Variants in PLEKHH1 observed in about 807,000 individuals in gnomAD.
PLEKHH1 encodes pleckstrin homology domain-containing family H member 1.
In PLEKHH1, 104 loss-of-function variants were observed where a neutral mutation model predicts 160.0. The observed-to-expected ratio is 0.65, with a 90% CI of 0.55 to 0.76. The LOEUF (loss-of-function observed/expected upper bound fraction) is 0.76, where lower values mean the gene tolerates loss of function less well. PLEKHH1 is among the 30% of genes least tolerant of loss of function. PLEKHH1 has a pLI of 0.00. For missense variants in PLEKHH1, 1,427 were observed against 1,724.1 expected (o/e 0.83, Z 3.05); for synonymous variants, 619 against 678.4 (o/e 0.91, Z 1.36).
rs1314099840 is a variant in PLEKHH1 at position 67,557,428 on chromosome 14, C to T, written c.339+10C>T. On this transcript the variant is annotated intron_variant, in intron 4 of 28. Coordinates refer to ENST00000329153, the MANE Select transcript of PLEKHH1 (RefSeq NM_020715.3). The stretch of plus-strand genomic sequence containing the variant: ...TCAGCTGGAGAAGCAGGTAAGGGCT[C>T]ATGCGCAAGGGAGCACCATGCCCTC... 5 of 1,611,442 alleles carry T rather than the reference C, an allele frequency of 3.1e-6. No homozygotes were observed. The highest frequency in any genetic ancestry group is 4.2e-6 in the Non-Finnish European group (5 of 1,179,406).
intron 23 of PLEKHH1, chr14:67,581,792 T>C (rs1226282230): frequency 2.6e-6 from 1 of 385,250 alleles, no homozygotes; most frequent in South Asian, 2.7e-5. Flanking sequence ...CCCTAATCTA[T>C]AACTCCAGGT....
rs962504154 is a variant in PLEKHH1, at chr14:67,573,446, T to C, written c.1839+60T>C. 5.5e-6 allele frequency: 6 copies of C among 1,085,218 alleles called. No homozygotes were observed. Among genetic ancestry groups the C allele is most frequent in the Non-Finnish European group, 8.5e-6 (6 of 704,836 alleles). The allele number at this position is 1,085,218 out of a possible 1,614,324, so 67.2% of individuals were successfully genotyped here. A position where few individuals can be genotyped will look rare whatever the true frequency, so the allele number is the denominator to read the frequency against. Reference sequence around the variant, plus strand: ...GGTCTCCACATCACACCCTGGACTATGTCAGATGGGACGGAGGAGGGGGAA... The same window carrying C: ...GGTCTCCACATCACACCCTGGACTACGTCAGATGGGACGGAGGAGGGGGAA... On this transcript the variant is annotated intron_variant, in intron 12 of 28. Coordinates refer to ENST00000329153, the MANE Select transcript of PLEKHH1 (RefSeq NM_020715.3). This position sits in a 1 kb window ranked among gnomAD's most constrained non-coding sequence, Gnocchi z 4.8.
chr14:67,579,284 C>G lies in PLEKHH1; in HGVS notation c.3000C>G (p.Pro1000=), dbSNP rs185413584. ...PFHHSLPFSI[P]VHFTNGTYHV... ...ACCACTCCTTGCCCTTCAGCATCCC[C>G]GTGCACTTTACCAACGGGACTTACC... Residue 1000 remains proline (P), a synonymous_variant, in exon 21 of 29, where the codon CCC becomes CCG. Coordinates refer to ENST00000329153, the MANE Select transcript of PLEKHH1 (RefSeq NM_020715.3). The G allele has an allele frequency of 1.0e-5, 16 of 1,563,920 alleles. No individual in the cohort carries two copies. In the African/African-American group the frequency reaches 2.2e-4, roughly 21 times the overall value.
Position 67,562,711 on chromosome 14 carries a change from C to T in PLEKHH1, c.1080C>T (p.Gly360=), listed in dbSNP as rs1399776040. The change falls in exon 7 of 29, where the codon GGC becomes GGT. Residue 360 remains glycine, a synonymous_variant. Coordinates refer to ENST00000329153, the MANE Select transcript of PLEKHH1 (RefSeq NM_020715.3). ...CCTTCTCAGCCCTCCACCCCTCTGGCCTTCCTGAGCTGGAGTCCCGAGCTA... is the reference window on the plus strand; with the variant it reads ...CCTTCTCAGCCCTCCACCCCTCTGGTCTTCCTGAGCTGGAGTCCCGAGCTA... The part of the protein sequence containing the change: ...TEAFSALHPS[G]LPELESRARS... The T allele has an allele frequency of 6.2e-7, 1 of 1,612,942 alleles. No individual in the cohort carries two copies.
At chr14:67,570,228 A>G (rs1385580431) in intron 9 of PLEKHH1, 1 of 419,566 alleles carries the variant, frequency 2.4e-6, no homozygotes, top group Non-Finnish European at 3.2e-6. Flanking sequence ...AACGTGGACA[A>G]GGTAAGAAGG....
chr14:67,578,307 G>T lies in PLEKHH1; in HGVS notation c.2751+108G>T. The T allele has an allele frequency of 1.0e-6, 1 of 986,740 alleles. No homozygotes were observed. The highest frequency in any genetic ancestry group is 1.6e-6 in the Non-Finnish European group (1 of 644,866). 61.1% of individuals were successfully genotyped at this position (986,740 alleles called of 1,614,324 possible). Reference sequence around the variant, plus strand: ...CAGGTATACGGTGAGCCCAGCCAGCGGGCAGCCTCTGTGCTCCAAGCTGCA... The same window carrying T: ...CAGGTATACGGTGAGCCCAGCCAGCTGGCAGCCTCTGTGCTCCAAGCTGCA... On this transcript the variant is annotated intron_variant, in intron 19 of 28. Coordinates refer to ENST00000329153, the MANE Select transcript of PLEKHH1 (RefSeq NM_020715.3). The surrounding 1 kb of genome is among the most constrained non-coding windows in gnomAD (Gnocchi z 5.0).
In PLEKHH1 at chr14:67,571,815, A is replaced by G. The variant is rs1160826752; in HGVS notation, c.1498A>G (p.Ser500Gly). ...GTCCTCTGGGTCTGACGATGACTGC[A>G]GCTCTCAGGCGAGTTTCCGAATCTC... ...DESSGSDDDC[S>G]SQASFRISVP... is the part of the protein sequence containing the mutation. The change falls in exon 10 of 29, where the codon AGC (serine) becomes GGC (glycine). Residue 500 changes from serine (S) to glycine (G), a missense_variant. Physicochemically the swap from Ser to Gly is moderately conservative, Grantham distance 56. Around this residue, in one of 6 missense-constraint regions of PLEKHH1, gnomAD observed 831 missense variants for 929.2 expected, o/e 0.89. Transcript: ENST00000329153. The G allele has an allele frequency of 6.2e-7, 1 of 1,613,902 alleles. No individual in the cohort carries two copies. The highest frequency in any genetic ancestry group is 2.2e-5 in the East Asian group (1 of 44,880).
chr14:67,582,410 G>A lies in PLEKHH1; in HGVS notation c.3426+200G>A. 1.2e-6 allele frequency: 1 copy of A among 861,366 alleles called. No homozygotes were observed. The highest frequency in any genetic ancestry group is 2.7e-5 in the East Asian group (1 of 36,470). The allele number at this position is 861,366 out of a possible 1,614,324, so 53.4% of individuals were successfully genotyped here. The stretch of plus-strand genomic sequence containing the variant: ...CGCAGATATAGGATGCGTGCAGATG[G>A]CTGGACTTGGAATCCAGAGACCTGG... On this transcript the variant is annotated intron_variant, in intron 24 of 28. Coordinates refer to ENST00000329153, the MANE Select transcript of PLEKHH1 (RefSeq NM_020715.3). The surrounding 1 kb of genome is among the most constrained non-coding windows in gnomAD (Gnocchi z 5.0).
Position 67,536,552 on chromosome 14 carries a change from G to A in PLEKHH1, c.-35+3154G>A, listed in dbSNP as rs746212203. On this transcript the variant is annotated intron_variant, in intron 1 of 28. Transcript: ENST00000329153. Reference sequence around the variant, plus strand: ...TGCCTCCTGCATCCTCCACAAGATAGAGGCAATGAGCTATTTTGAGGCCTG... The same window carrying A: ...TGCCTCCTGCATCCTCCACAAGATAAAGGCAATGAGCTATTTTGAGGCCTG... Among the ~76,000 whole-genome samples the A allele has an allele frequency of 4.0e-5, 6 of 151,798 alleles. No homozygotes were observed. In the South Asian group the frequency reaches 6.2e-4, roughly 16 times the overall value.
intron 2 of PLEKHH1, among the ~76,000 whole-genome samples, chr14:67,549,355 C>T (rs1322724937): frequency 2.6e-5 from 4 of 151,814 alleles, no homozygotes; most frequent in African/African-American, 9.7e-5. Context: ...ACTGCAACCT[C>T]CGCCTCCCAG....
chr14:67,579,682 G>C, intron 21 of PLEKHH1, 39 bp from the exon 22 acceptor site: 1 of 1,600,458 alleles, frequency 6.2e-7, no homozygotes, highest in Non-Finnish European at 8.5e-7. Flanking sequence ...GCTCCTCTCA[G>C]GAGGTTCACT....
rs1217974255 is a variant in PLEKHH1 at position 67,588,742 on chromosome 14, A to G, written c.*1507A>G. 1.3e-5 allele frequency: 2 copies of G among 152,634 alleles called. No individual in the cohort carries two copies. The highest frequency in any genetic ancestry group is 2.9e-5 in the Non-Finnish European group (2 of 68,040). 9.5% of individuals were successfully genotyped at this position (152,634 alleles called of 1,614,324 possible). A position where few individuals can be genotyped will look rare whatever the true frequency, so the allele number is the denominator to read the frequency against. On this transcript the variant is annotated 3_prime_UTR_variant, in exon 29 of 29. Transcript: ENST00000329153. ...TGCTGAAAACTGTATATTTAGCAGT[A>G]GCACCCAAAACCAAGCCTTTAACCC...
chr14:67,585,766 C>G (rs368506850), intron 27 of PLEKHH1, 112 bp downstream of exon 27: 14 of 980,082 alleles, frequency 1.4e-5, no homozygotes, highest in Admixed American at 4.7e-5. Context: ...GCCCTACCCC[C>G]ACTCCTGCCC....
At chr14:67,557,241 G>T in intron 3 of PLEKHH1, 28 bp from the exon 4 acceptor site, 1 of 1,604,992 alleles carries the variant, frequency 6.2e-7, no homozygotes, top group South Asian at 1.1e-5. Context: ...GTGATGGGAA[G>T]ACACTATGAG....
In PLEKHH1 at chr14:67,582,050, C is replaced by T; in HGVS notation, c.3285-19C>T. 1 of 1,601,820 alleles carries T rather than the reference C, an allele frequency of 6.2e-7. No homozygotes were observed. ...TGGAATCCCTGCTGAGTCCTGGTTT[C>T]TTATTCTCTTCTTTGTAGGCTGTAC... On this transcript the variant is annotated intron_variant, in intron 23 of 28. Coordinates refer to ENST00000329153, the MANE Select transcript of PLEKHH1 (RefSeq NM_020715.3). This position sits in a 1 kb window ranked among gnomAD's most constrained non-coding sequence, Gnocchi z 5.0.
chr14:67,549,482 G>A (rs888402201), intron 2 of PLEKHH1, among the ~76,000 whole-genome samples: 2 of 152,104 alleles, frequency 1.3e-5, no homozygotes, highest in African/African-American at 2.4e-5. Flanking sequence ...TGTTGGCCAG[G>A]CTGGTCTTGA....
chr14:67,581,163 G>A (rs2035877632), intron 23 of PLEKHH1, 125 bp downstream of exon 23: 4 of 647,608 alleles, frequency 6.2e-6, no homozygotes, highest in Non-Finnish European at 8.4e-6. Context: ...ACACTGCCTG[G>A]CAGTCACTAG....
rs146889166 is a variant in PLEKHH1, at chr14:67,571,244, A to G, written c.1435-508A>G. 8.3e-4 allele frequency: 133 copies of G among 160,162 alleles called. 1 individual carries two copies. The highest frequency in any genetic ancestry group is 6.2e-3 in the Admixed American group (107 of 17,394). The allele number at this position is 160,162 out of a possible 1,614,324, so 9.9% of individuals were successfully genotyped here. A position where few individuals can be genotyped will look rare whatever the true frequency, so the allele number is the denominator to read the frequency against. On this transcript the variant is annotated intron_variant, in intron 9 of 28. Coordinates refer to ENST00000329153, the MANE Select transcript of PLEKHH1 (RefSeq NM_020715.3). ...GGTGGGATTTCTGGGCAAATTATAT[A>G]CATGTTTTAATTTTTGACAGGTACT... is the stretch of plus-strand genomic sequence containing the variant.
In PLEKHH1 at chr14:67,572,163, G is replaced by C; in HGVS notation, c.1614G>C (p.Glu538Asp). 1 of 1,607,564 alleles carries C rather than the reference G, an allele frequency of 6.2e-7. No individual in the cohort carries two copies. Among genetic ancestry groups the C allele is most frequent in the Non-Finnish European group, 8.5e-7 (1 of 1,177,306 alleles). The change falls in exon 11 of 29, where the codon GAG becomes GAC. Residue 538 changes from glutamate (E) to aspartate (D), a missense_variant. Physicochemically the swap from Glu to Asp is conservative, Grantham distance 45. Transcript: ENST00000329153. ...RGVSMSSLSSEGDYAIPPDAC... is the reference protein window; with the variant it reads ...RGVSMSSLSSDGDYAIPPDAC... ...TCTCCATGTCCTCACTGAGCTCCGA[G>C]GGTGACTACGCCATCCCCCCGGACG...
Sources: gnomAD v4.1 joint callset for allele counts (sites outside exome capture counted in the v4.1 genomes callset) on GRCh38, gnomAD v4.1.1 for gene constraint, gnomAD v4.1.1 regional missense constraint, Gnocchi (gnomAD v3.1) non-coding constraint, MANE v1.5 for transcripts, NCBI Gene and HGNC (gene_info 2026-07-23, HGNC 2026-07-21) for gene names.